The following GARIN1A variants were observed in gnomAD, a reference collection of about 807,000 sequenced individuals.
The protein encoded by GARIN1A is Golgi-associated RAB2 interactor protein 1A.
At chr7:128,682,612 C>T in the GARIN1A span, among the ~76,000 whole-genome samples, 1 of 152,170 alleles carries the variant, frequency 6.6e-6, no homozygotes, top group Non-Finnish European at 1.5e-5. Context: ...GAAGGAGTCT[C>T]ACTCTGTCAC....
the GARIN1A span, among the ~76,000 whole-genome samples, chr7:128,677,292 G>A: frequency 6.6e-6 from 1 of 151,862 alleles, no homozygotes; most frequent in African/African-American, 2.4e-5. Flanking sequence ...CGGATCACGA[G>A]GTCAGGAGAT....
the GARIN1A span, among the ~76,000 whole-genome samples, chr7:128,673,207 A>G: frequency 2.0e-5 from 3 of 152,230 alleles, no homozygotes; most frequent in Non-Finnish European, 2.9e-5. Context: ...TACTGAGTGC[A>G]GGGCAGGAGG....
the GARIN1A span, chr7:128,677,434 G>A: frequency 6.2e-4 from 638 of 1,036,084 alleles, 1 homozygote; most frequent in African/African-American, 4.5e-3. Context: ...GTGAACCCCG[G>A]GGGCAGAGCC....
chr7:128,703,300 A>G, the GARIN1A span, among the ~76,000 whole-genome samples: 1 of 152,280 alleles, frequency 6.6e-6, no homozygotes. Context: ...GGGCCATAAA[A>G]TAAACCTCAA....
At chr7:128,671,645 C>CAA in the GARIN1A span, among the ~76,000 whole-genome samples, 17,301 of 119,968 alleles carry the variant, frequency 0.14, 1,281 homozygotes, top group East Asian at 0.37. Context: ...AACTCTGTCT[C>CAA]AAAAAAAAAA....
the GARIN1A span, among the ~76,000 whole-genome samples, chr7:128,706,734 T>C: frequency 6.6e-6 from 1 of 152,166 alleles, no homozygotes; most frequent in African/African-American, 2.4e-5. Flanking sequence ...GCAAGCCCTC[T>C]GTCTTTGAGA....
chr7:128,671,967 AGG>A, the GARIN1A span, among the ~76,000 whole-genome samples: 3 of 151,382 alleles, frequency 2.0e-5, no homozygotes, highest in Non-Finnish European at 4.4e-5. Context: ...AGGGGCTTCA[AGG>A]GGAGCCAAGA....
the GARIN1A span, chr7:128,672,381 A>C: frequency 4.3e-5 from 69 of 1,600,240 alleles, no homozygotes; most frequent in African/African-American, 8.3e-4. Context: ...TCCCAAGCCC[A>C]TTCTTACCAA....
chr7:128,673,932 G>C, the GARIN1A span, among the ~76,000 whole-genome samples: 3 of 151,840 alleles, frequency 2.0e-5, no homozygotes, highest in African/African-American at 7.3e-5. Context: ...TTTTGAGATG[G>C]AGTCTCACTC....
At chr7:128,697,689 C>T in the GARIN1A span, 1 of 158,946 alleles carries the variant, frequency 6.3e-6, no homozygotes. Flanking sequence ...CAGCACCAGG[C>T]GCCACTGCCA....
At chr7:128,704,308 C>CT in the GARIN1A span, among the ~76,000 whole-genome samples, 41,727 of 137,102 alleles carry the variant, frequency 0.3, 6,572 homozygotes, top group East Asian at 0.39. Flanking sequence ...TTAGAGTAAC[C>CT]TTTTTTTTTT....
the GARIN1A span, among the ~76,000 whole-genome samples, chr7:128,692,857 A>C: frequency 1.3e-5 from 2 of 152,220 alleles, no homozygotes; most frequent in Non-Finnish European, 2.9e-5. Flanking sequence ...CAGGTCATCA[A>C]TTTAGAGAAA....
the GARIN1A span, among the ~76,000 whole-genome samples, chr7:128,681,606 A>G: frequency 5.9e-5 from 9 of 151,380 alleles, no homozygotes; most frequent in South Asian, 2.1e-4. Context: ...GGGTCAAGCA[A>G]TCCTCCCACC....
chr7:128,680,382 TA>T, the GARIN1A span, among the ~76,000 whole-genome samples: 137 of 152,308 alleles, frequency 9.0e-4, 1 homozygote, highest in African/African-American at 2.9e-3. Flanking sequence ...AGGTGTTCAA[TA>T]AAAGGAATGA....
chr7:128,681,646 C>T, the GARIN1A span, among the ~76,000 whole-genome samples: 1 of 151,716 alleles, frequency 6.6e-6, no homozygotes, highest in Non-Finnish European at 1.5e-5. Flanking sequence ...GGGCTACAGG[C>T]ATGCACCACC....
the GARIN1A span, among the ~76,000 whole-genome samples, chr7:128,692,510 T>G: frequency 5.4e-4 from 82 of 152,250 alleles, no homozygotes; most frequent in African/African-American, 1.8e-3. Flanking sequence ...AACAAAACAT[T>G]GTTATCCGGA....
the GARIN1A span, chr7:128,677,517 A>AAAG: frequency 1.4e-5 from 20 of 1,466,708 alleles, no homozygotes; most frequent in African/African-American, 2.5e-4. Flanking sequence ...AAAAAAAAAA[A>AAAG]AAAGAAACCA....
At chr7:128,703,962 G>A in the GARIN1A span, among the ~76,000 whole-genome samples, 5 of 152,084 alleles carry the variant, frequency 3.3e-5, no homozygotes, top group South Asian at 2.1e-4. Context: ...GCCACAAAGA[G>A]TGAGTTTCAC....
At chr7:128,680,223 G>T in the GARIN1A span, 1 of 767,508 alleles carries the variant, frequency 1.3e-6, no homozygotes, top group Non-Finnish European at 2.1e-6. Flanking sequence ...ACCTATCTCA[G>T]TTCCTTCTTT....
Sources: gnomAD v4.1 joint callset for allele counts (sites outside exome capture counted in the v4.1 genomes callset) on GRCh38, gnomAD v4.1.1 for gene constraint, MANE v1.5 for transcripts, NCBI Gene and HGNC (gene_info 2026-07-23, HGNC 2026-07-21) for gene names.